The following PSG9 variants were observed in gnomAD, a reference collection of about 807,000 sequenced individuals.
The protein encoded by PSG9 is pregnancy-specific beta-1-glycoprotein 9.
A neutral mutation model predicts 41.9 loss-of-function variants in PSG9; 49 were observed. That is an observed-to-expected ratio of 1.17 (90% CI 0.93 to 1.48). The LOEUF is 1.48. Among genes scored for constraint, PSG9 ranks in the 40% most tolerant of loss-of-function variants. The pLI is 0.00. For missense variants in PSG9, 641 were observed against 520.3 expected (o/e 1.23, Z -2.26); for synonymous variants, 263 against 196.8 (o/e 1.34, Z -2.82).
rs768602738 is a variant in PSG9 at position 43,253,639 on chromosome 19, G to T, written c.1251C>A (p.Cys417Ter). 1 of 1,135,668 alleles carries T rather than the reference G, an allele frequency of 8.8e-7. No individual in the cohort carries two copies. The highest frequency in any genetic ancestry group is 1.3e-5 in the South Asian group (1 of 78,234). The allele number at this position is 1,135,668 out of a possible 1,614,324, so 70.3% of individuals were successfully genotyped here. The change falls in exon 6 of 6, where the codon TGC becomes TGA. Residue 417 changes from cysteine (C) to a stop codon, truncating the protein, a stop_gained. Transcript: ENST00000270077. LOFTEE classifies it high-confidence loss of function. The part of the protein sequence containing the change: ...KSMTVKVSGP[C>*]HGDLTESQS ...ACTGAGACTCTGTCAGGTCTCCATG[G>T]CAGGGACCTGATTGACAGAAGGCCC...
In PSG9 at chr19:43,258,450, G is replaced by A. The variant is rs1345709850; in HGVS notation, c.995C>T (p.Pro332Leu). The change falls in exon 5 of 6, where the codon CCA becomes CTA. Residue 332 changes from proline (P) to leucine (L), a missense_variant. By Grantham distance (98) the Pro-to-Leu change is moderately conservative. Coordinates refer to ENST00000270077, the MANE Select transcript of PSG9 (RefSeq NM_002784.5). ...NPVILNVLYG[P>L]DLPRIYPSFT... is the part of the protein sequence containing the mutation. ...TGAAGGGTAAATTCTGGGGAGGTCT[G>A]GACCATCTGGAGGAAAGAGAATAAA... 7 of 1,566,582 alleles carry A rather than the reference G, an allele frequency of 4.5e-6. 1 individual carries two copies. The highest frequency in any genetic ancestry group is 5.2e-6 in the Non-Finnish European group (6 of 1,163,442).
chr19:43,255,330 T>A (rs1377786479), intron 5 of PSG9, among the ~76,000 whole-genome samples: 1 of 146,032 alleles, frequency 6.8e-6, no homozygotes, highest in Non-Finnish European at 1.5e-5. Context: ...TTTTTCATAA[T>A]GAAAACATCC....
rs3950955 is a variant in PSG9, at chr19:43,259,110, G to T, written c.735C>A (p.Thr245=). The T allele has an allele frequency of 1.5e-5, 24 of 1,590,504 alleles. 2 individuals carry two copies. The highest frequency in any genetic ancestry group is 3.4e-5 in the Admixed American group (2 of 58,606). The part of the protein sequence containing the change: ...LLPKLPIPYI[T]INNLNPRENK... ...TCTCCCTGGGGTTTAAGTTGTTGAT[G>T]GTGATGTAGGGGATGGGCAGCTTCG... The change falls in exon 4 of 6, where the codon ACC becomes ACA. Residue 245 remains threonine, a synonymous_variant. Coordinates refer to ENST00000270077, the MANE Select transcript of PSG9 (RefSeq NM_002784.5).
chr19:43,263,825 A>G (rs185137145), intron 2 of PSG9, among the ~76,000 whole-genome samples: 2 of 152,226 alleles, frequency 1.3e-5, no homozygotes, highest in Non-Finnish European at 2.9e-5. Flanking sequence ...AAAAGGACCG[A>G]ACTGGTCAGT....
chr19:43,263,661 A>G (rs1486412116), intron 2 of PSG9, among the ~76,000 whole-genome samples: 1 of 152,128 alleles, frequency 6.6e-6, no homozygotes, highest in African/African-American at 2.4e-5. Flanking sequence ...TGATGGTCCA[A>G]ACATCTAAGA....
intron 2 of PSG9, among the ~76,000 whole-genome samples, chr19:43,264,104 T>C (rs995957125): frequency 6.6e-6 from 1 of 152,004 alleles, no homozygotes; most frequent in African/African-American, 2.4e-5. Context: ...CTCCAACTTA[T>C]GAAAATGGCA....
rs1180454384 is a variant in PSG9 at position 43,257,927 on chromosome 19, C to T, written c.1243+275G>A. The T allele has an allele frequency of 2.8e-6, 4 of 1,415,370 alleles. 1 individual carries two copies. The highest frequency in any genetic ancestry group is 3.1e-5 in the African/African-American group (2 of 65,238). The allele number at this position is 1,415,370 out of a possible 1,614,324, so 87.7% of individuals were successfully genotyped here. On this transcript the variant is annotated intron_variant, in intron 5 of 5. Transcript: ENST00000270077. ...ATCTTGAGGACTCTCCTTCTTGTCCCTCTCTGAAGCCTCTTCTACCACATA... is the reference window on the plus strand; with the variant it reads ...ATCTTGAGGACTCTCCTTCTTGTCCTTCTCTGAAGCCTCTTCTACCACATA...
chr19:43,265,428 C>A (rs1398295298), intron 2 of PSG9, among the ~76,000 whole-genome samples: 2 of 152,124 alleles, frequency 1.3e-5, no homozygotes, highest in African/African-American at 2.4e-5. Flanking sequence ...CTGACCTCAT[C>A]CATACCTATG....
At chr19:43,257,911 A>G in intron 5 of PSG9, 1 of 1,405,446 alleles carries the variant, frequency 7.1e-7, no homozygotes, top group Non-Finnish European at 9.2e-7. Context: ...GATCTTGAGG[A>G]CTCTCCTTCT....
intron 5 of PSG9, 105 bp from the exon 6 acceptor site, chr19:43,253,751 A>G: frequency 1.5e-6 from 1 of 679,750 alleles, no homozygotes; most frequent in Non-Finnish European, 2.4e-6. Flanking sequence ...AAGCAAGCCT[A>G]GTTCTCTGAG....
intron 3 of PSG9, 49 bp from the exon 4 acceptor site, chr19:43,259,184 C>T (rs746178215): frequency 6.4e-7 from 1 of 1,572,054 alleles, no homozygotes; most frequent in South Asian, 1.1e-5. Flanking sequence ...CCTTTGATTC[C>T]TCCACAGGCA....
chr19:43,256,104 A>G lies in PSG9; in HGVS notation c.1243+2098T>C, dbSNP rs995694171. 1.3e-4 allele frequency among the ~76,000 whole-genome samples: 19 copies of G among 146,830 alleles called. 6 individuals carry two copies. Among genetic ancestry groups the G allele is most frequent in the African/African-American group, 4.9e-4 (19 of 38,740 alleles). ...ACACTTCCTGATTTCAGCATTTACAATGGGGAAGGGACAGTGTTCTCACCA... is the reference window on the plus strand; with the variant it reads ...ACACTTCCTGATTTCAGCATTTACAGTGGGGAAGGGACAGTGTTCTCACCA... On this transcript the variant is annotated intron_variant, in intron 5 of 5. Coordinates refer to ENST00000270077, the MANE Select transcript of PSG9 (RefSeq NM_002784.5).
chr19:43,261,613 A>C (rs1860085), intron 3 of PSG9, among the ~76,000 whole-genome samples: 75,864 of 152,012 alleles, frequency 0.5, 21,259 homozygotes, highest in East Asian at 0.95. Flanking sequence ...AGCCTGAGAC[A>C]TTCACCTGTT....
chr19:43,266,129 G>A (rs1167941512), intron 2 of PSG9, among the ~76,000 whole-genome samples: 1 of 151,802 alleles, frequency 6.6e-6, no homozygotes, highest in Non-Finnish European at 1.5e-5. Flanking sequence ...CCATGGCAGT[G>A]AGCAGTGAGG....
rs1047061853 is a variant in PSG9, at chr19:43,267,724, T to C, written c.430+60A>G. On this transcript the variant is annotated intron_variant, in intron 2 of 5. Transcript: ENST00000270077. ...AGAGTCCAGGCCTGACAATCCTGTG[T>C]GTGTGAAGTAGAAATGACCCCTTCC... The C allele has an allele frequency of 2.5e-6, 4 of 1,605,382 alleles. No individual in the cohort carries two copies. The African/African-American group carries it at 4.0e-5, about 16-fold the overall frequency.
intron 5 of PSG9, among the ~76,000 whole-genome samples, chr19:43,256,390 A>G (rs1206703323): frequency 6.8e-6 from 1 of 147,018 alleles, no homozygotes; most frequent in East Asian, 2.3e-4. Context: ...CATTATCAAG[A>G]AAGTAAAAAG....
intron 2 of PSG9, among the ~76,000 whole-genome samples, chr19:43,267,162 A>C (rs2122127040): frequency 6.6e-6 from 1 of 152,216 alleles, no homozygotes; most frequent in East Asian, 1.9e-4. Context: ...GATGTCCTAC[A>C]AAGCTTGTCT....
chr19:43,268,620 A>G (rs1238657660), intron 1 of PSG9, among the ~76,000 whole-genome samples: 1 of 152,012 alleles, frequency 6.6e-6, no homozygotes, highest in Non-Finnish European at 1.5e-5. Flanking sequence ...CTTCCTCCCC[A>G]TGACAGCGTG....
At chr19:43,263,656 G>T (rs1008616241) in intron 2 of PSG9, among the ~76,000 whole-genome samples, 1 of 151,982 alleles carries the variant, frequency 6.6e-6, no homozygotes, top group African/African-American at 2.4e-5. Context: ...TTTACTGATG[G>T]TCCAAACATC....
Sources: gnomAD v4.1 joint callset for allele counts (sites outside exome capture counted in the v4.1 genomes callset) on GRCh38, gnomAD v4.1.1 for gene constraint, MANE v1.5 for transcripts, NCBI Gene and HGNC (gene_info 2026-07-23, HGNC 2026-07-21) for gene names.